Variants in LINGO2 observed in about 807,000 individuals in gnomAD.
LINGO2 encodes leucine rich repeat and Ig domain containing 2.
Under a neutral mutation model 30.6 loss-of-function variants are expected in LINGO2, and 14 were observed. The observed-to-expected ratio is 0.46, with a 90% CI of 0.30 to 0.72. The LOEUF (loss-of-function observed/expected upper bound fraction) is 0.72, where lower values mean the gene tolerates loss of function less well. Among genes scored for constraint, LINGO2 ranks in the 30% least tolerant of loss-of-function variants. The probability of loss-of-function intolerance (pLI) is 0.07; values close to 1 mark genes in which losing one functional copy is unlikely to be tolerated. For synonymous variants in LINGO2, 317 were observed against 288.5 expected, an observed-to-expected ratio of 1.10 and a Z score of -1.00; for missense variants, 729 against 751.7, an observed-to-expected ratio of 0.97 and a Z score of 0.35.
chr9:28,005,510 A>G lies in LINGO2; in HGVS notation c.-36+6845T>C, dbSNP rs79067304. On this transcript the variant is annotated intron_variant, in intron 5 of 5. Transcript: ENST00000379992. ...CCACAGTTTCTATCTAATTCTCCACATATCCTAAGACACTTGGTATTCGGT... is the reference window on the plus strand; with the variant it reads ...CCACAGTTTCTATCTAATTCTCCACGTATCCTAAGACACTTGGTATTCGGT... Among the ~76,000 whole-genome samples, 938 of 152,100 alleles carry G rather than the reference A, an allele frequency of 6.2e-3. 4 individuals carry two copies. The highest frequency in any genetic ancestry group is 0.014 in the Admixed American group (219 of 15,270).
At chr9:28,015,200 C>A (rs924981371) in intron 4 of LINGO2, among the ~76,000 whole-genome samples, 7 of 152,092 alleles carry the variant, frequency 4.6e-5, no homozygotes, top group African/African-American at 1.7e-4. Context: ...TGGATAGGAG[C>A]TGGGATAACA....
intron 1 of LINGO2, among the ~76,000 whole-genome samples, chr9:28,492,449 G>T (rs779703433): frequency 6.6e-6 from 1 of 152,140 alleles, no homozygotes; most frequent in Non-Finnish European, 1.5e-5. Flanking sequence ...TGTTGCCACC[G>T]TTGTAATGAA....
chr9:28,197,713 T>A (rs1443593462), intron 4 of LINGO2, among the ~76,000 whole-genome samples: 2 of 151,904 alleles, frequency 1.3e-5, no homozygotes, highest in African/African-American at 4.8e-5. Context: ...AAATGAAATT[T>A]AGAAAAATTC....
chr9:28,580,148 T>A (rs543401919), intron 1 of LINGO2, among the ~76,000 whole-genome samples: 120 of 152,186 alleles, frequency 7.9e-4, no homozygotes, highest in Non-Finnish European at 1.3e-3. Flanking sequence ...CACTGGTATG[T>A]CCCTAGTAAT....
chr9:29,005,248 T>A, the LINGO2 span, among the ~76,000 whole-genome samples: 1 of 151,952 alleles, frequency 6.6e-6, no homozygotes, highest in African/African-American at 2.4e-5. Flanking sequence ...AAAGGTTTAG[T>A]TATAAAATTT....
chr9:28,906,920 T>A, the LINGO2 span, among the ~76,000 whole-genome samples: 327 of 152,068 alleles, frequency 2.2e-3, no homozygotes, highest in African/African-American at 7.3e-3. Flanking sequence ...AGTTCTGTCA[T>A]ATTTGTTTTC....
intron 4 of LINGO2, among the ~76,000 whole-genome samples, chr9:28,025,492 C>T (rs1320320455): frequency 1.3e-5 from 2 of 152,202 alleles, no homozygotes; most frequent in Non-Finnish European, 2.9e-5. Flanking sequence ...TAGACTCCAT[C>T]ATGAGAGGCC....
the LINGO2 span, among the ~76,000 whole-genome samples, chr9:28,710,474 T>A: frequency 6.6e-6 from 1 of 152,172 alleles, no homozygotes; most frequent in Non-Finnish European, 1.5e-5. Flanking sequence ...ATTAGATGCC[T>A]ATTTAGCTAG....
chr9:28,087,591 G>T (rs1014170801), intron 4 of LINGO2, among the ~76,000 whole-genome samples: 1 of 151,798 alleles, frequency 6.6e-6, no homozygotes, highest in Non-Finnish European at 1.5e-5. Flanking sequence ...TCTTTTCCTG[G>T]AATGATCATG....
At chr9:29,110,567 C>T in the LINGO2 span, among the ~76,000 whole-genome samples, 2 of 152,206 alleles carry the variant, frequency 1.3e-5, no homozygotes, top group African/African-American at 4.8e-5. Flanking sequence ...CTCCTGACCT[C>T]GTGATCCGCC....
At chr9:28,460,242 A>T (rs900920931) in intron 2 of LINGO2, among the ~76,000 whole-genome samples, 2 of 152,194 alleles carry the variant, frequency 1.3e-5, no homozygotes, top group African/African-American at 4.8e-5. Flanking sequence ...GAGCAAATAC[A>T]TTATGCACAA....
the LINGO2 span, among the ~76,000 whole-genome samples, chr9:28,938,687 G>C: frequency 2.4e-4 from 37 of 152,202 alleles, no homozygotes; most frequent in Middle Eastern, 3.4e-3. Flanking sequence ...TGTAGCCTAG[G>C]AGCAATAGGC....
chr9:28,538,082 G>C (rs1436434638), intron 1 of LINGO2, among the ~76,000 whole-genome samples: 1 of 151,990 alleles, frequency 6.6e-6, no homozygotes, highest in Non-Finnish European at 1.5e-5. Flanking sequence ...TGTATACCTA[G>C]TTGGGATTTT....
the LINGO2 span, among the ~76,000 whole-genome samples, chr9:29,150,934 CCACAAGG>C: frequency 1.1e-4 from 17 of 152,106 alleles, no homozygotes; most frequent in South Asian, 4.2e-4. Flanking sequence ...ATATGACCAT[CCACAAGG>C]CACAGAGTCA....
the LINGO2 span, among the ~76,000 whole-genome samples, chr9:28,943,991 T>C: frequency 6.6e-6 from 1 of 152,220 alleles, no homozygotes; most frequent in Non-Finnish European, 1.5e-5. Flanking sequence ...CTGCCCTATA[T>C]AGTGGCTTAA....
At chr9:29,045,013 C>G in the LINGO2 span, among the ~76,000 whole-genome samples, 16 of 152,016 alleles carry the variant, frequency 1.1e-4, no homozygotes, top group Non-Finnish European at 2.2e-4. Flanking sequence ...CATCCTTCTT[C>G]TTGTGATGAT....
At chr9:28,733,660 C>G in the LINGO2 span, among the ~76,000 whole-genome samples, 10 of 152,082 alleles carry the variant, frequency 6.6e-5, no homozygotes, top group Non-Finnish European at 1.5e-4. Context: ...ACCAGTCCAC[C>G]TTTTTCTCTA....
chr9:28,178,213 T>A (rs1828801111), intron 4 of LINGO2, among the ~76,000 whole-genome samples: 1 of 152,114 alleles, frequency 6.6e-6, no homozygotes, highest in African/African-American at 2.4e-5. Flanking sequence ...AAGCTACAGA[T>A]ACCCGCAGCT....
At chr9:28,739,283 G>A in the LINGO2 span, among the ~76,000 whole-genome samples, 1 of 151,790 alleles carries the variant, frequency 6.6e-6, no homozygotes, top group Non-Finnish European at 1.5e-5. Flanking sequence ...ATTAATTTGA[G>A]CTTATTTAAT....
Sources: gnomAD v4.1 joint callset for allele counts (sites outside exome capture counted in the v4.1 genomes callset) on GRCh38, gnomAD v4.1.1 for gene constraint, MANE v1.5 for transcripts, NCBI Gene and HGNC (gene_info 2026-07-23, HGNC 2026-07-21) for gene names.